HACD1: variants seen among roughly 807,000 people sequenced by gnomAD.
HACD1 encodes the protein very-long-chain (3R)-3-hydroxyacyl-CoA dehydratase 1.
Under a neutral mutation model 32.0 loss-of-function variants are expected in HACD1, and 41 were observed. The observed-to-expected ratio is 1.28, with a 90% confidence interval of 1.00 to 1.66. The LOEUF is 1.66. HACD1 is among the 40% of genes most tolerant of loss of function. The pLI is 0.00. For synonymous variants in HACD1, 142 were observed against 139.0 expected (o/e 1.02, Z -0.15); for missense variants, 396 against 380.1 (o/e 1.04, Z -0.35).
chr10:17,608,351 G>C (rs971849800), intron 1 of HACD1, among the ~76,000 whole-genome samples: 4 of 152,034 alleles, frequency 2.6e-5, no homozygotes, highest in Non-Finnish European at 5.9e-5. Flanking sequence ...TGTGATGCTA[G>C]CAGTTACTGA....
Position 17,590,259 on chromosome 10 carries a change from C to A in HACD1, c.*105G>T. 2 of 758,138 alleles carry A rather than the reference C, an allele frequency of 2.6e-6. No homozygotes were observed. The highest frequency in any genetic ancestry group is 2.1e-6 in the Non-Finnish European group (1 of 476,170). 47.0% of individuals were successfully genotyped at this position (758,138 alleles called of 1,614,324 possible). On this transcript the variant is annotated 3_prime_UTR_variant, in exon 7 of 7. Coordinates refer to ENST00000361271, the MANE Select transcript of HACD1 (RefSeq NM_014241.4). ...TGTCTCAAGTTATATTTTAAGAAACCATACAATCCATGATATTTCACAAAG... is the reference window on the plus strand; with the variant it reads ...TGTCTCAAGTTATATTTTAAGAAACAATACAATCCATGATATTTCACAAAG...
intron 5 of HACD1, among the ~76,000 whole-genome samples, chr10:17,595,164 A>T (rs930483124): frequency 6.6e-6 from 1 of 152,114 alleles, no homozygotes; most frequent in African/African-American, 2.4e-5. Context: ...CGGCCTATGT[A>T]GCTTTAAAAA....
intron 6 of HACD1, 22 bp from the exon 7 acceptor site, chr10:17,590,468 A>C: frequency 6.6e-7 from 1 of 1,518,584 alleles, no homozygotes; most frequent in South Asian, 1.2e-5. Flanking sequence ...AAGAAAACAA[A>C]GAAAAACAAG....
Position 17,603,759 on chromosome 10 carries a change from A to G in HACD1, c.376-15T>C. ...CAGTGAACTATCTGTAAGCAAATAG[A>G]AAAAAATCATTACGTCAATAATAGA... On this transcript the variant is annotated splice_polypyrimidine_tract_variant and intron_variant, in intron 2 of 6. Coordinates refer to ENST00000361271, the MANE Select transcript of HACD1 (RefSeq NM_014241.4). 1 of 1,590,210 alleles carries G rather than the reference A, an allele frequency of 6.3e-7. No individual in the cohort carries two copies. Among genetic ancestry groups the G allele is most frequent in the Non-Finnish European group, 8.6e-7 (1 of 1,160,568 alleles).
chr10:17,594,853 T>G (rs534156962), intron 5 of HACD1, among the ~76,000 whole-genome samples: 20 of 150,122 alleles, frequency 1.3e-4, no homozygotes, highest in Admixed American at 5.3e-4. Flanking sequence ...TGGTGTTTTT[T>G]TTTTTTGTTT....
At chr10:17,599,027 A>G (rs536617702) in intron 5 of HACD1, 66 of 476,608 alleles carry the variant, frequency 1.4e-4, no homozygotes, top group African/African-American at 1.3e-3. Context: ...AAAAAAAATG[A>G]ATGACTAATT....
At chr10:17,614,490 G>A (rs1175279083) in intron 1 of HACD1, among the ~76,000 whole-genome samples, 2 of 133,230 alleles carry the variant, frequency 1.5e-5, no homozygotes, top group African/African-American at 5.6e-5. Context: ...CGATCCACCC[G>A]CCTCAGCCTC....
chr10:17,616,665 G>C (rs1833089009), intron 1 of HACD1, among the ~76,000 whole-genome samples: 1 of 142,992 alleles, frequency 7.0e-6, no homozygotes. Context: ...AAAAAAAAAA[G>C]TCGCGGTGAA....
At chr10:17,591,222 C>G (rs545894285) in intron 6 of HACD1, among the ~76,000 whole-genome samples, 2 of 147,444 alleles carry the variant, frequency 1.4e-5, no homozygotes, top group African/African-American at 4.9e-5. Context: ...TCATCCATAC[C>G]CCTCACAAAC....
chr10:17,602,376 A>T (rs1474243192), intron 4 of HACD1, among the ~76,000 whole-genome samples: 1 of 151,992 alleles, frequency 6.6e-6, no homozygotes, highest in Non-Finnish European at 1.5e-5. Flanking sequence ...CGGCCCTGTC[A>T]TGGGTTTAAA....
rs1003339488 is a variant in HACD1 at position 17,589,684 on chromosome 10, A to G, written c.*680T>C. Reference sequence around the variant, plus strand: ...AACCCCTTAAAACCTTCACAGTTGAAAACCTTGTCCTTAAGTGGCTAATTT... The same window carrying G: ...AACCCCTTAAAACCTTCACAGTTGAGAACCTTGTCCTTAAGTGGCTAATTT... On this transcript the variant is annotated 3_prime_UTR_variant, in exon 7 of 7. Transcript: ENST00000361271. 4.6e-5 allele frequency: 7 copies of G among 152,326 alleles called. No homozygotes were observed. Among genetic ancestry groups the G allele is most frequent in the African/African-American group, 1.7e-4 (7 of 41,568 alleles). The allele number at this position is 152,326 out of a possible 1,614,324, so 9.4% of individuals were successfully genotyped here.
intron 6 of HACD1, among the ~76,000 whole-genome samples, chr10:17,591,545 G>A (rs1053476315): frequency 6.6e-6 from 1 of 152,196 alleles, no homozygotes; most frequent in African/African-American, 2.4e-5. Context: ...TATTAGGTCA[G>A]TTGGACAAAT....
intron 1 of HACD1, among the ~76,000 whole-genome samples, chr10:17,613,527 C>A (rs1448603193): frequency 6.6e-6 from 1 of 152,156 alleles, no homozygotes; most frequent in Non-Finnish European, 1.5e-5. Flanking sequence ...TTTATATCAC[C>A]TGAAATGTCT....
intron 6 of HACD1, among the ~76,000 whole-genome samples, chr10:17,593,521 G>A (rs1231447031): frequency 6.6e-6 from 1 of 152,104 alleles, no homozygotes; most frequent in East Asian, 1.9e-4. Context: ...TGCCATGTTG[G>A]CCAGCCTGGT....
chr10:17,601,154 C>T (rs1462240856), intron 4 of HACD1, among the ~76,000 whole-genome samples: 2 of 152,088 alleles, frequency 1.3e-5, no homozygotes, highest in Non-Finnish European at 2.9e-5. Context: ...CTGCCTCAGC[C>T]TCCCGAGTAG....
chr10:17,591,430 A>T (rs113267297), intron 6 of HACD1, among the ~76,000 whole-genome samples: 3,416 of 152,246 alleles, frequency 0.022, 68 homozygotes, highest in Admixed American at 0.035. Flanking sequence ...GTGACCACAG[A>T]AGAGCTACAG....
intron 6 of HACD1, among the ~76,000 whole-genome samples, chr10:17,591,975 G>A (rs12415224): frequency 0.28 from 28,519 of 103,408 alleles, 3,597 homozygotes; most frequent in East Asian, 0.47. Context: ...ACCAGCTACT[G>A]ATTTTTTTTT....
intron 5 of HACD1, among the ~76,000 whole-genome samples, chr10:17,596,918 T>C (rs1277896703): frequency 6.6e-6 from 1 of 152,222 alleles, no homozygotes; most frequent in Non-Finnish European, 1.5e-5. Flanking sequence ...AAGCCATTTC[T>C]AAAGTGTAGT....
In HACD1 at chr10:17,603,983, A is replaced by G. The variant is rs1834107555; in HGVS notation, c.322T>C (p.Tyr108His). 9.9e-6 allele frequency: 16 copies of G among 1,612,308 alleles called. 1 individual carries two copies. In the South Asian group the frequency reaches 1.7e-4, roughly 17 times the overall value. Reference sequence around the variant, plus strand: ...TTAAGTGTCTTCTGAATACTTTTATATAAACCTCTGTGTGTTCCTTTTTCC... The same window carrying G: ...TTAAGTGTCTTCTGAATACTTTTATGTAAACCTCTGTGTGTTCCTTTTTCC... ...YMEKGTHRGL[Y>H]KSIQKTLKFF... The change falls in exon 2 of 7, where the codon TAT becomes CAT. Residue 108 changes from tyrosine to histidine, a missense_variant. Physicochemically the swap from Tyr to His is moderately conservative, Grantham distance 83. Coordinates refer to ENST00000361271, the MANE Select transcript of HACD1 (RefSeq NM_014241.4).
Sources: gnomAD v4.1 joint callset for allele counts (sites outside exome capture counted in the v4.1 genomes callset) on GRCh38, gnomAD v4.1.1 for gene constraint, MANE v1.5 for transcripts, NCBI Gene and HGNC (gene_info 2026-07-23, HGNC 2026-07-21) for gene names.